PRSS33: variants seen among roughly 807,000 people sequenced by gnomAD.
PRSS33 encodes protease, serine 33.
In PRSS33, 32 loss-of-function variants were observed where a neutral mutation model predicts 26.7. The ratio of observed to expected loss-of-function variants is 1.20; its 90% CI spans 0.90 to 1.61. The LOEUF (loss-of-function observed/expected upper bound fraction) is 1.61. Among genes scored for constraint, PRSS33 ranks in the 40% most tolerant of loss-of-function variants. The pLI is 0.00. For synonymous variants in PRSS33, 192 were observed against 177.6 expected (o/e 1.08, Z -0.64); for missense variants, 450 against 396.3 (o/e 1.14, Z -1.15).
intron 1 of PRSS33, chr16:2,786,842 C>A (rs1398708802): frequency 1.1e-4 from 34 of 307,866 alleles, no homozygotes; most frequent in Non-Finnish European, 1.9e-4. Flanking sequence ...CCTAACCCCC[C>A]TCGGTCATCC....
At chr16:2,787,014 C>T (rs1310660358) in intron 1 of PRSS33, among the ~76,000 whole-genome samples, 2 of 75,574 alleles carry the variant, frequency 2.6e-5, no homozygotes, top group African/African-American at 1.2e-4. Context: ...TCCTCACCCC[C>T]TCCCTCATCC....
intron 1 of PRSS33, 95 bp from the exon 2 acceptor site, chr16:2,786,699 C>T: frequency 2.5e-6 from 2 of 816,130 alleles, no homozygotes; most frequent in South Asian, 1.7e-5. Context: ...TCTGTCTGTC[C>T]TCAGCTCCTG....
At chr16:2,786,027 G>A in intron 3 of PRSS33, 62 bp downstream of exon 3, 1 of 1,611,694 alleles carries the variant, frequency 6.2e-7, no homozygotes, top group Non-Finnish European at 8.5e-7. Flanking sequence ...AGGTGTTGGT[G>A]GGGAGACACG....
chr16:2,786,158 T>C (rs2068872439), intron 2 of PRSS33, 37 bp from the exon 3 acceptor site: 7 of 1,591,076 alleles, frequency 4.4e-6, no homozygotes, highest in Non-Finnish European at 6.0e-6. Flanking sequence ...AGATTATAGA[T>C]TTGGTGTCAA....
In PRSS33 at chr16:2,784,553, G is replaced by A; in HGVS notation, c.*91C>T. The A allele has an allele frequency of 1.5e-6, 2 of 1,322,640 alleles. No homozygotes were observed. Among genetic ancestry groups the A allele is most frequent in the South Asian group, 1.5e-5 (1 of 66,036 alleles). The allele number at this position is 1,322,640 out of a possible 1,614,324, so 81.9% of individuals were successfully genotyped here. A position where few individuals can be genotyped will look rare whatever the true frequency, so the allele number is the denominator to read the frequency against. On this transcript the variant is annotated 3_prime_UTR_variant, in exon 7 of 7. Coordinates refer to ENST00000682474, the MANE Select transcript of PRSS33 (RefSeq NM_152891.3). ...TTTTAGGCATCTTGGCCTCGAGGCA[G>A]AAGGGATGTGGGGTATAGGCAGGTG...
At chr16:2,785,217 GC>G in intron 5 of PRSS33, 46 bp from the exon 6 acceptor site, 1 of 1,497,050 alleles carries the variant, frequency 6.7e-7, no homozygotes, top group African/African-American at 1.4e-5. Context: ...TGGAGCGGGG[GC>G]CAGTGGGAGA....
intron 3 of PRSS33, 22 bp downstream of exon 3, chr16:2,786,067 G>C: frequency 3.1e-6 from 5 of 1,612,956 alleles, no homozygotes; most frequent in Non-Finnish European, 4.2e-6. Context: ...GCTGACTCGG[G>C]TGGACTCCGA....
chr16:2,785,124 G>C lies in PRSS33; in HGVS notation c.562C>G (p.Leu188Val). The C allele has an allele frequency of 6.5e-7, 1 of 1,545,950 alleles. No individual in the cohort carries two copies. The highest frequency in any genetic ancestry group is 8.7e-7 in the Non-Finnish European group (1 of 1,148,154). ...RPLQGVRVPL[L>V]DSRTCDGLYH... ...AGGCCGTCGCAGGTGCGCGAGTCCA[G>C]CAGCGGCACCCTTACTCCTTGTAGC... Residue 188 changes from leucine to valine, a missense_variant, in exon 6 of 7, where the codon CTG becomes GTG. Physicochemically the swap from Leu to Val is conservative, Grantham distance 32. Coordinates refer to ENST00000682474, the MANE Select transcript of PRSS33 (RefSeq NM_152891.3).
intron 2 of PRSS33, 87 bp downstream of exon 2, chr16:2,786,415 G>A: frequency 6.6e-7 from 1 of 1,516,056 alleles, no homozygotes; most frequent in East Asian, 2.3e-5. Flanking sequence ...GAGTGCTCCA[G>A]GGAGCCCGGC....
chr16:2,786,620 A>G lies in PRSS33; in HGVS notation c.-57-16T>C. 1 of 1,559,502 alleles carries G rather than the reference A, an allele frequency of 6.4e-7. No individual in the cohort carries two copies. The highest frequency in any genetic ancestry group is 1.1e-5 in the South Asian group (1 of 88,236). ...GGACTCTGGTCTGGAGCCAGCAGGG[A>G]GAAGAGAGGAGAGTCCTGGCCCAGG... On this transcript the variant is annotated splice_polypyrimidine_tract_variant and intron_variant, in intron 1 of 6. Transcript: ENST00000682474.
intron 4 of PRSS33, 29 bp downstream of exon 4, chr16:2,785,770 C>T (rs1310260870): frequency 6.4e-7 from 1 of 1,557,314 alleles, no homozygotes; most frequent in Non-Finnish European, 8.6e-7. Flanking sequence ...TCCTTGCACA[C>T]CCCGCCTGGG....
chr16:2,785,682 G>C, intron 4 of PRSS33, 36 bp from the exon 5 acceptor site: 3 of 1,467,348 alleles, frequency 2.0e-6, no homozygotes, highest in Non-Finnish European at 2.7e-6. Flanking sequence ...TTCCAGCACC[G>C]GGTCCTCGAC....
In PRSS33 at chr16:2,785,927, A is replaced by C; in HGVS notation, c.114T>G (p.Val38=). ...CGQPRMSSRI[V]GGRDGRDGEW... is the part of the protein sequence containing the mutation. ...CTCCGTCCCGGCCATCCCGGCCCCCAACGATCCGACTGGACATGCGGGGCT... is the reference window on the plus strand; with the variant it reads ...CTCCGTCCCGGCCATCCCGGCCCCCCACGATCCGACTGGACATGCGGGGCT... Residue 38 remains valine, a synonymous_variant, in exon 4 of 7, where the codon GTT becomes GTG. Transcript: ENST00000682474. 1 of 1,612,408 alleles carries C rather than the reference A, an allele frequency of 6.2e-7. No homozygotes were observed. Among genetic ancestry groups the C allele is most frequent in the Non-Finnish European group, 8.5e-7 (1 of 1,179,778 alleles).
At chr16:2,786,828 G>A in intron 1 of PRSS33, 1 of 360,162 alleles carries the variant, frequency 2.8e-6, no homozygotes, top group Non-Finnish European at 5.1e-6. Context: ...CAGAAGCCCT[G>A]GAGCCTAACC....
rs1055028964 is a variant in PRSS33 at position 2,784,116 on chromosome 16, T to C, written c.*528A>G. On this transcript the variant is annotated 3_prime_UTR_variant, in exon 7 of 7. Coordinates refer to ENST00000682474, the MANE Select transcript of PRSS33 (RefSeq NM_152891.3). The stretch of plus-strand genomic sequence containing the variant: ...TTACTTCCCAGCTCCTTCAGGGTGC[T>C]GCCAGAATCCAGTGCCTTGCGGCTG... 1 of 152,324 alleles carries C rather than the reference T, an allele frequency of 6.6e-6. No homozygotes were observed. 9.4% of individuals were successfully genotyped at this position (152,324 alleles called of 1,614,324 possible).
In PRSS33 at chr16:2,785,506, G is replaced by C; in HGVS notation, c.383C>G (p.Ala128Gly). The stretch of plus-strand genomic sequence containing the variant: ...CACCGGGCGACGCAGCTGCAGCAGT[G>C]CCAGGTCGCCGCGGGCCCCGTCCTC... ...YSEDGARGDL[A>G]LLQLRRPVPL... Residue 128 changes from alanine (A) to glycine (G), a missense_variant, in exon 5 of 7, where the codon GCA (alanine) becomes GGA (glycine). Ala to Gly is a moderately conservative substitution (Grantham distance 60, BLOSUM62 0). Coordinates refer to ENST00000682474, the MANE Select transcript of PRSS33 (RefSeq NM_152891.3). 3.3e-6 allele frequency: 5 copies of C among 1,524,454 alleles called. No homozygotes were observed. Among genetic ancestry groups the C allele is most frequent in the Non-Finnish European group, 4.4e-6 (5 of 1,143,324 alleles). 94.4% of individuals were successfully genotyped at this position (1,524,454 alleles called of 1,614,324 possible).
At position 2,786,620 on chromosome 16, in the gene PRSS33, A is replaced by C; in HGVS notation, c.-57-16T>G. 1 of 1,559,502 alleles carries C rather than the reference A, an allele frequency of 6.4e-7. No homozygotes were observed. Among genetic ancestry groups the C allele is most frequent in the Admixed American group, 1.7e-5 (1 of 58,220 alleles). Reference sequence around the variant, plus strand: ...GGACTCTGGTCTGGAGCCAGCAGGGAGAAGAGAGGAGAGTCCTGGCCCAGG... The same window carrying C: ...GGACTCTGGTCTGGAGCCAGCAGGGCGAAGAGAGGAGAGTCCTGGCCCAGG... On this transcript the variant is annotated splice_polypyrimidine_tract_variant and intron_variant, in intron 1 of 6. Coordinates refer to ENST00000682474, the MANE Select transcript of PRSS33 (RefSeq NM_152891.3).
chr16:2,784,857 G>T (rs2068854066), intron 6 of PRSS33, 55 bp from the exon 7 acceptor site: 2 of 1,550,396 alleles, frequency 1.3e-6, no homozygotes, highest in Non-Finnish European at 1.7e-6. Flanking sequence ...CAGTTCTCAG[G>T]GTTCCAGACC....
chr16:2,786,681 GT>G, intron 1 of PRSS33, 77 bp from the exon 2 acceptor site: 2 of 957,114 alleles, frequency 2.1e-6, no homozygotes, highest in Non-Finnish European at 3.1e-6. Flanking sequence ...CACCCCCTCC[GT>G]GGTCCTTCTG....
Sources: gnomAD v4.1 joint callset for allele counts (sites outside exome capture counted in the v4.1 genomes callset) on GRCh38, gnomAD v4.1.1 for gene constraint, MANE v1.5 for transcripts, NCBI Gene and HGNC (gene_info 2026-07-23, HGNC 2026-07-21) for gene names.